Variants in RNF128 observed in about 807,000 individuals in gnomAD.
RNF128 encodes the protein E3 ubiquitin-protein ligase RNF128.
In RNF128, 13 loss-of-function variants were observed where a neutral mutation model predicts 26.2. The ratio of observed to expected loss-of-function variants is 0.50; its 90% CI spans 0.32 to 0.79. The LOEUF (loss-of-function observed/expected upper bound fraction) is 0.79. RNF128 is among the 30% of genes least tolerant of loss of function. The pLI is 0.03. For missense variants in RNF128, 315 were observed against 349.7 expected (o/e 0.90, Z 0.79); for synonymous variants, 149 against 142.5 (o/e 1.05, Z -0.32).
chrX:106,727,938 A>G (rs1477650088), intron 1 of RNF128, among the ~76,000 whole-genome samples: 1 of 111,364 alleles, frequency 9.0e-6, no homozygotes, highest in Non-Finnish European at 1.9e-5. Context: ...TTCTCTGCCC[A>G]GTGGTCTCAA....
intron 1 of RNF128, among the ~76,000 whole-genome samples, chrX:106,770,444 C>A (rs1930349652): frequency 9.0e-6 from 1 of 111,372 alleles, no homozygotes; most frequent in Admixed American, 9.5e-5. Context: ...TTGTTCATTT[C>A]TTTTTACTCT....
chrX:106,709,451 G>T (rs1200949207), intron 1 of RNF128, among the ~76,000 whole-genome samples: 1 of 111,891 alleles, frequency 8.9e-6, no homozygotes, highest in Non-Finnish European at 1.9e-5. Flanking sequence ...TCATTTCACT[G>T]AACTGTGCCA....
chrX:106,754,018 C>A (rs2147682780), intron 1 of RNF128, among the ~76,000 whole-genome samples: 1 of 111,202 alleles, frequency 9.0e-6, no homozygotes, highest in African/African-American at 3.3e-5. Context: ...CTTCAACACC[C>A]TACTTTCAGC....
At chrX:106,772,306 G>A (rs760373179) in intron 1 of RNF128, among the ~76,000 whole-genome samples, 5 of 111,502 alleles carry the variant, frequency 4.5e-5, no homozygotes, top group South Asian at 3.8e-4. Context: ...ACCTGATCAC[G>A]TCTGTGTAAA....
At chrX:106,734,498 A>G (rs974205465) in intron 1 of RNF128, among the ~76,000 whole-genome samples, 2 of 111,446 alleles carry the variant, frequency 1.8e-5, no homozygotes, top group African/African-American at 6.5e-5. Context: ...TAGCTTTTCT[A>G]TTATAATGAT....
At chrX:106,785,440 G>C (rs1400276419) in intron 3 of RNF128, among the ~76,000 whole-genome samples, 1 of 111,598 alleles carries the variant, frequency 9.0e-6, no homozygotes, top group Non-Finnish European at 1.9e-5. Context: ...TATAATTGCA[G>C]TGTCCTTATA....
intron 1 of RNF128, among the ~76,000 whole-genome samples, chrX:106,757,605 G>T (rs868437974): frequency 1.5e-5 from 1 of 67,120 alleles, no homozygotes; most frequent in African/African-American, 5.7e-5. Flanking sequence ...GAGGGGGGAG[G>T]GATAGCATTG....
chrX:106,762,556 G>T (rs74924729), intron 1 of RNF128, among the ~76,000 whole-genome samples: 241 of 110,623 alleles, frequency 2.2e-3, no homozygotes, highest in African/African-American at 7.6e-3. Context: ...CAGGTGATCC[G>T]CCCCCCATCG....
At chrX:106,789,362 A>G (rs1930768360) in intron 4 of RNF128, among the ~76,000 whole-genome samples, 1 of 96,768 alleles carries the variant, frequency 1.0e-5, no homozygotes, top group Non-Finnish European at 2.0e-5. Context: ...TATTATGTAT[A>G]TATGTATATT....
Position 106,796,729 on chromosome X carries a change from T to C in RNF128, c.*1016T>C, listed in dbSNP as rs1243518641. 1.8e-5 allele frequency: 2 copies of C among 111,501 alleles called. No homozygotes were observed. Among genetic ancestry groups the C allele is most frequent in the East Asian group, 5.6e-4 (2 of 3,555 alleles). The allele number at this position is 111,501 out of a possible 1,213,427, so 9.2% of individuals were successfully genotyped here. On this transcript the variant is annotated 3_prime_UTR_variant, in exon 7 of 7. Coordinates refer to ENST00000255499, the MANE Select transcript of RNF128 (RefSeq NM_194463.2). Reference sequence around the variant, plus strand: ...AAGGGGGGGAGAATTCCAGGTGCCTTAATATAAAGTTTGAAGCTTCATCCA... The same window carrying C: ...AAGGGGGGGAGAATTCCAGGTGCCTCAATATAAAGTTTGAAGCTTCATCCA...
intron 1 of RNF128, among the ~76,000 whole-genome samples, chrX:106,699,609 G>T (rs750934789): frequency 8.9e-6 from 1 of 111,762 alleles, no homozygotes; most frequent in East Asian, 2.8e-4. Flanking sequence ...CATATAGGTC[G>T]ATCACATCAC....
At chrX:106,783,057 A>G (rs889440230) in intron 2 of RNF128, among the ~76,000 whole-genome samples, 17 of 111,939 alleles carry the variant, frequency 1.5e-4, no homozygotes, top group African/African-American at 5.5e-4. Context: ...AAGTGCCTTG[A>G]TTATCACCTC....
At position 106,707,571 on chromosome X, in the gene RNF128, A is replaced by G. The variant is rs180774329; in HGVS notation, c.406+13163A>G. Among the ~76,000 whole-genome samples the G allele has an allele frequency of 5.6e-4, 62 of 110,779 alleles. 2 individuals are homozygous for G. The highest frequency in any genetic ancestry group is 4.9e-3 in the Admixed American group (51 of 10,363). The stretch of plus-strand genomic sequence containing the variant: ...AAATTTTCTTTTGGTGGGATGGGAT[A>G]TACTCCATCTACTTTTTGAGGATGA... On this transcript the variant is annotated intron_variant, in intron 1 of 6. Coordinates refer to the RNF128 transcript ENST00000324342.
At chrX:106,763,699 G>C (rs1264152493) in intron 1 of RNF128, among the ~76,000 whole-genome samples, 1 of 109,794 alleles carries the variant, frequency 9.1e-6, no homozygotes, top group African/African-American at 3.3e-5. Context: ...GTAGAGATGG[G>C]GTTTCACCGT....
chrX:106,783,036 A>G (rs759192549), intron 2 of RNF128, among the ~76,000 whole-genome samples: 3 of 112,073 alleles, frequency 2.7e-5, no homozygotes, highest in African/African-American at 3.2e-5. Context: ...TATGTCCCAA[A>G]ATGGGAGTGA....
At chrX:106,752,613 T>G (rs1426269478) in intron 1 of RNF128, among the ~76,000 whole-genome samples, 3 of 112,177 alleles carry the variant, frequency 2.7e-5, no homozygotes, top group Non-Finnish European at 3.8e-5. Flanking sequence ...GCCCAGACTG[T>G]GAATATTATA....
At chrX:106,774,232 A>G (rs1183712474) in intron 2 of RNF128, among the ~76,000 whole-genome samples, 6 of 111,813 alleles carry the variant, frequency 5.4e-5, no homozygotes, top group Non-Finnish European at 5.6e-5. Context: ...ATTTTATTTT[A>G]CTGAGAAAAT....
intron 1 of RNF128, among the ~76,000 whole-genome samples, chrX:106,739,808 T>C (rs1407044198): frequency 1.8e-5 from 2 of 111,197 alleles, no homozygotes; most frequent in African/African-American, 3.3e-5. Context: ...AATGTTCTTT[T>C]TTATAGATTT....
intron 4 of RNF128, among the ~76,000 whole-genome samples, chrX:106,788,872 A>G (rs1235497378): frequency 1.4e-5 from 1 of 73,161 alleles, no homozygotes; most frequent in Non-Finnish European, 2.4e-5. Flanking sequence ...ATATTATATA[A>G]TGTATAATAT....
Sources: gnomAD v4.1 joint callset for allele counts (sites outside exome capture counted in the v4.1 genomes callset) on GRCh38, gnomAD v4.1.1 for gene constraint, MANE v1.5 for transcripts, NCBI Gene and HGNC (gene_info 2026-07-23, HGNC 2026-07-21) for gene names.